KDF1: variants seen among roughly 807,000 people sequenced by gnomAD.
KDF1 encodes the protein keratinocyte differentiation factor 1.
KDF1 carries 11 observed loss-of-function variants against 31.6 expected under a neutral mutation model. The observed-to-expected ratio is 0.35, with a 90% CI of 0.22 to 0.58. KDF1 has a LOEUF of 0.58. KDF1 is among the 20% of genes least tolerant of loss of function. KDF1 has a pLI of 0.83. For synonymous variants in KDF1, 205 were observed against 214.4 expected, an observed-to-expected ratio of 0.96 and a Z score of 0.38; for missense variants, 476 against 549.1, an observed-to-expected ratio of 0.87 and a Z score of 1.33.
intron 1 of KDF1, among the ~76,000 whole-genome samples, chr1:26,958,717 G>A (rs1180615028): frequency 6.6e-6 from 1 of 152,178 alleles, no homozygotes; most frequent in African/African-American, 2.4e-5. Context: ...CTATTACTTG[G>A]GAGAAAAGAG....
chr1:26,951,190 G>C lies in KDF1; in HGVS notation c.1039+152C>G. 1 of 872,544 alleles carries C rather than the reference G, an allele frequency of 1.1e-6. No individual in the cohort carries two copies. The highest frequency in any genetic ancestry group is 1.7e-6 in the Non-Finnish European group (1 of 587,078). 54.1% of individuals were successfully genotyped at this position (872,544 alleles called of 1,614,324 possible). On this transcript the variant is annotated intron_variant, in intron 2 of 3. Transcript: ENST00000320567. The surrounding 1 kb of genome is among the most constrained non-coding windows in gnomAD (Gnocchi z 5.4). ...CCAGGAAGGGCCAGAGTGGGAGCTGGGGAGAGGGGATGCAAGAGTTGACAG... is the reference window on the plus strand; with the variant it reads ...CCAGGAAGGGCCAGAGTGGGAGCTGCGGAGAGGGGATGCAAGAGTTGACAG...
Position 26,951,529 on chromosome 1 carries a change from C to G in KDF1, c.852G>C (p.Gln284His), listed in dbSNP as rs755290067. The G allele has an allele frequency of 1.2e-6, 2 of 1,612,824 alleles. No homozygotes were observed. The highest frequency in any genetic ancestry group is 1.7e-6 in the Non-Finnish European group (2 of 1,178,958). Residue 284 changes from glutamine to histidine, a missense_variant, in exon 2 of 4, where the codon CAG (glutamine) becomes CAC (histidine). Physicochemically the swap from Gln to His is conservative, Grantham distance 24. Coordinates refer to ENST00000320567, the MANE Select transcript of KDF1 (RefSeq NM_152365.3). This position sits in a 1 kb window ranked among gnomAD's most constrained non-coding sequence, Gnocchi z 5.4. ...KISDLISSIT[Q>H]DYHLDEQDAE... The stretch of plus-strand genomic sequence containing the variant: ...CATCCTGCTCATCCAGGTGGTAGTC[C>G]TGCGTGATGCTGCTGATAAGGTCCG...
rs145806681 is a variant in KDF1 at position 26,952,328 on chromosome 1, G to A, written c.53C>T (p.Pro18Leu). 156 of 1,524,392 alleles carry A rather than the reference G, an allele frequency of 1.0e-4. No homozygotes were observed. The African/African-American group carries it at 1.3e-3, about 13-fold the overall frequency. The allele number at this position is 1,524,392 out of a possible 1,614,324, so 94.4% of individuals were successfully genotyped here. A position where few individuals can be genotyped will look rare whatever the true frequency, so the allele number is the denominator to read the frequency against. ...RPASGPPRLG[P>L]WERPTELCLE... is the part of the protein sequence containing the mutation. Reference sequence around the variant, plus strand: ...ACATAGCTCTGTTGGCCGCTCCCACGGTCCCAAGCGTGGAGGCCCAGATGC... The same window carrying A: ...ACATAGCTCTGTTGGCCGCTCCCACAGTCCCAAGCGTGGAGGCCCAGATGC... Residue 18 changes from proline (P) to leucine (L), a missense_variant, in exon 2 of 4, where the codon CCG becomes CTG. By Grantham distance (98) the Pro-to-Leu change is moderately conservative (BLOSUM62 -3). Transcript: ENST00000320567. The surrounding 1 kb of genome is among the most constrained non-coding windows in gnomAD (Gnocchi z 4.1).
chr1:26,952,352 G>GCTGGGCGGGGGTGTC lies in KDF1; in HGVS notation c.14_28dup (p.Gly5_Pro9dup). The GCTGGGCGGGGGTGTC allele has an allele frequency of 6.6e-7, 1 of 1,515,934 alleles. No homozygotes were observed. Among genetic ancestry groups the GCTGGGCGGGGGTGTC allele is most frequent in the Non-Finnish European group, 8.8e-7 (1 of 1,134,430 alleles). The allele number at this position is 1,515,934 out of a possible 1,614,324, so 93.9% of individuals were successfully genotyped here. On this transcript the variant is annotated inframe_insertion, in exon 2 of 4. Coordinates refer to ENST00000320567, the MANE Select transcript of KDF1 (RefSeq NM_152365.3). The surrounding 1 kb of genome is among the most constrained non-coding windows in gnomAD (Gnocchi z 4.1). ...CGGTCCCAAGCGTGGAGGCCCAGATGCTGGGCGGGGGTGTCCAGGGCGGGG... is the reference window on the plus strand; with the variant it reads ...CGGTCCCAAGCGTGGAGGCCCAGATGCTGGGCGGGGGTGTCCTGGGCGGGGGTGTCCAGGGCGGGG...
intron 1 of KDF1, among the ~76,000 whole-genome samples, chr1:26,954,789 C>T (rs922468971): frequency 7.0e-6 from 1 of 143,644 alleles, no homozygotes. Context: ...GCCGAGATGG[C>T]GCCATTGCAC....
chr1:26,955,856 G>T (rs2082375315), intron 1 of KDF1, among the ~76,000 whole-genome samples: 1 of 152,214 alleles, frequency 6.6e-6, no homozygotes, highest in African/African-American at 2.4e-5. Flanking sequence ...GCAGGAGGCT[G>T]AGGCAGGAGA....
Position 26,951,764 on chromosome 1 carries a change from A to G in KDF1, c.617T>C (p.Phe206Ser). ...PPMRHSLPST[F>S]ASSPRGSEEY... is the part of the protein sequence containing the mutation. The stretch of plus-strand genomic sequence containing the variant: ...CTCGGAGCCACGAGGACTACTGGCA[A>G]AGGTGCTGGGCAGGCTGTGTCGCAT... The change falls in exon 2 of 4, where the codon TTT becomes TCT. Residue 206 changes from phenylalanine (F) to serine (S), a missense_variant. Phe to Ser is a radical substitution (Grantham distance 155). This residue lies in a region of KDF1 where 330 missense variants were observed against 332.3 expected (regional missense o/e 0.99). Transcript: ENST00000320567. This position sits in a 1 kb window ranked among gnomAD's most constrained non-coding sequence, Gnocchi z 5.4. 3.1e-6 allele frequency: 5 copies of G among 1,614,094 alleles called. No homozygotes were observed. Among genetic ancestry groups the G allele is most frequent in the Non-Finnish European group, 4.2e-6 (5 of 1,180,018 alleles).
chr1:26,950,409 T>G lies in KDF1; in HGVS notation c.1115-258A>C, dbSNP rs1384356287. Among the ~76,000 whole-genome samples the G allele has an allele frequency of 6.6e-6, 1 of 152,220 alleles. No individual in the cohort carries two copies. The highest frequency in any genetic ancestry group is 1.5e-5 in the Non-Finnish European group (1 of 68,028). On this transcript the variant is annotated intron_variant, in intron 3 of 3. Transcript: ENST00000320567. The surrounding 1 kb of genome is among the most constrained non-coding windows in gnomAD (Gnocchi z 4.0). Reference sequence around the variant, plus strand: ...CGCAACAGAACCACACGGGTGTCTTTCCAGCACCATGCTGGATGGCTCCCC... The same window carrying G: ...CGCAACAGAACCACACGGGTGTCTTGCCAGCACCATGCTGGATGGCTCCCC...
At position 26,949,786 on chromosome 1, in the gene KDF1, TA is replaced by T; in HGVS notation, c.*282del. On this transcript the variant is annotated 3_prime_UTR_variant, in exon 4 of 4. Coordinates refer to ENST00000320567, the MANE Select transcript of KDF1 (RefSeq NM_152365.3). Reference sequence around the variant, plus strand: ...GGAGTCAGGGTTCACTCCCAGAAGGTAATGCCTAACTCCTTACTTTCCATGA... The same window carrying T: ...GGAGTCAGGGTTCACTCCCAGAAGGTATGCCTAACTCCTTACTTTCCATGA... 1 of 373,980 alleles carries T rather than the reference TA, an allele frequency of 2.7e-6. No individual in the cohort carries two copies. Among genetic ancestry groups the T allele is most frequent in the Non-Finnish European group, 5.0e-6 (1 of 198,828 alleles). 23.2% of individuals were successfully genotyped at this position (373,980 alleles called of 1,614,324 possible). A position where few individuals can be genotyped will look rare whatever the true frequency, so the allele number is the denominator to read the frequency against.
chr1:26,958,342 G>A (rs953225456), intron 1 of KDF1, among the ~76,000 whole-genome samples: 2 of 151,604 alleles, frequency 1.3e-5, no homozygotes, highest in South Asian at 2.1e-4. Context: ...CACCATGTTA[G>A]TCAGGATGGT....
Position 26,952,375 on chromosome 1 carries a change from G to T in KDF1, c.6C>A (p.Pro2=). The change falls in exon 2 of 4, where the codon CCC becomes CCA. Residue 2 remains proline, a synonymous_variant. Coordinates refer to ENST00000320567, the MANE Select transcript of KDF1 (RefSeq NM_152365.3). This position sits in a 1 kb window ranked among gnomAD's most constrained non-coding sequence, Gnocchi z 4.1. M[P]RPGHPRPASG... ...ATGCTGGGCGGGGGTGTCCAGGGCG[G>T]GGCATGGCTCATTGCATGGTTTGTA... 1 of 1,504,372 alleles carries T rather than the reference G, an allele frequency of 6.6e-7. No individual in the cohort carries two copies. Among genetic ancestry groups the T allele is most frequent in the East Asian group, 2.3e-5 (1 of 43,908 alleles). The allele number at this position is 1,504,372 out of a possible 1,614,324, so 93.2% of individuals were successfully genotyped here. A position where few individuals can be genotyped will look rare whatever the true frequency, so the allele number is the denominator to read the frequency against.
intron 1 of KDF1, among the ~76,000 whole-genome samples, chr1:26,958,859 C>T (rs1390972464): frequency 6.6e-6 from 1 of 152,156 alleles, no homozygotes; most frequent in Non-Finnish European, 1.5e-5. Flanking sequence ...CTCGGAAGTA[C>T]GTGGGGCTCC....
chr1:26,951,248 G>T lies in KDF1; in HGVS notation c.1039+94C>A. On this transcript the variant is annotated intron_variant, in intron 2 of 3. Coordinates refer to ENST00000320567, the MANE Select transcript of KDF1 (RefSeq NM_152365.3). This position sits in a 1 kb window ranked among gnomAD's most constrained non-coding sequence, Gnocchi z 5.4. ...GAGGAAAGGCAGGGACTGGCTGAGG[G>T]GTAGACCCACAGTGACTAAAGACCC... 7.9e-7 allele frequency: 1 copy of T among 1,260,224 alleles called. No individual in the cohort carries two copies. Among genetic ancestry groups the T allele is most frequent in the African/African-American group, 1.5e-5 (1 of 66,176 alleles). 78.1% of individuals were successfully genotyped at this position (1,260,224 alleles called of 1,614,324 possible).
Position 26,960,160 on chromosome 1 carries a change from C to A in KDF1, c.-33+190G>T, listed in dbSNP as rs889665508. On this transcript the variant is annotated intron_variant, in intron 1 of 3. Transcript: ENST00000320567. The surrounding 1 kb of genome is among the most constrained non-coding windows in gnomAD (Gnocchi z 4.9). ...CCTAAGGGCGAACGCGGCCCCTCAC[C>A]CCATTCTGCGCGCCCAGCCCGGGCG... Among the ~76,000 whole-genome samples, 12 of 152,272 alleles carry A rather than the reference C, an allele frequency of 7.9e-5. No homozygotes were observed. Among genetic ancestry groups the A allele is most frequent in the African/African-American group, 2.6e-4 (11 of 41,568 alleles).
At position 26,960,183 on chromosome 1, in the gene KDF1, G is replaced by C. The variant is rs999554422; in HGVS notation, c.-33+167C>G. On this transcript the variant is annotated intron_variant, in intron 1 of 3. Transcript: ENST00000320567. This position sits in a 1 kb window ranked among gnomAD's most constrained non-coding sequence, Gnocchi z 4.9. ...ACCCCATTCTGCGCGCCCAGCCCGG[G>C]CGCCCGCTCAGGCCGCTCCCCAGCC... 2.0e-5 allele frequency among the ~76,000 whole-genome samples: 3 copies of C among 152,134 alleles called. No homozygotes were observed. The highest frequency in any genetic ancestry group is 7.2e-5 in the African/African-American group (3 of 41,452).
chr1:26,950,733 C>T lies in KDF1; in HGVS notation c.1063G>A (p.Glu355Lys). ...CGGGCGATGGCATCTGCAGTCGTCT[C>T]CTGGGAGATCTGCACTGTCAGCTCT... Reference protein sequence around the residue: ...QDELTVQISQETTADAIARKL... With the variant: ...QDELTVQISQKTTADAIARKL... Residue 355 changes from glutamate to lysine, a missense_variant, in exon 3 of 4, where the codon GAG becomes AAG. By Grantham distance (56) the Glu-to-Lys change is moderately conservative (BLOSUM62 1). Coordinates refer to ENST00000320567, the MANE Select transcript of KDF1 (RefSeq NM_152365.3). This position sits in a 1 kb window ranked among gnomAD's most constrained non-coding sequence, Gnocchi z 4.0. 6.2e-6 allele frequency: 10 copies of T among 1,614,150 alleles called. No homozygotes were observed. The highest frequency in any genetic ancestry group is 7.6e-6 in the Non-Finnish European group (9 of 1,180,008).
intron 1 of KDF1, among the ~76,000 whole-genome samples, chr1:26,954,920 G>A (rs1049156553): frequency 1.3e-5 from 2 of 148,802 alleles, no homozygotes; most frequent in Non-Finnish European, 3.0e-5. Flanking sequence ...GTGCAATGGC[G>A]CATTCTCGGC....
Position 26,950,883 on chromosome 1 carries a change from TAAAGAC to T in KDF1, c.1040-133_1040-128del. The T allele has an allele frequency of 1.3e-6, 1 of 799,254 alleles. No homozygotes were observed. The allele number at this position is 799,254 out of a possible 1,614,324, so 49.5% of individuals were successfully genotyped here. Reference sequence around the variant, plus strand: ...TGGGCAGGGCTAGAAAAATAATGCTTAAAGACAGAGACATAGACAACGTGTGCATGC... The same window carrying T: ...TGGGCAGGGCTAGAAAAATAATGCTTAGAGACATAGACAACGTGTGCATGC... On this transcript the variant is annotated intron_variant, in intron 2 of 3. Coordinates refer to ENST00000320567, the MANE Select transcript of KDF1 (RefSeq NM_152365.3). The surrounding 1 kb of genome is among the most constrained non-coding windows in gnomAD (Gnocchi z 4.0).
chr1:26,949,869 A>G lies in KDF1; in HGVS notation c.*200T>C. On this transcript the variant is annotated 3_prime_UTR_variant, in exon 4 of 4. Coordinates refer to ENST00000320567, the MANE Select transcript of KDF1 (RefSeq NM_152365.3). ...AAGGGGCCCTGGCAGGGATCAGACC[A>G]GCTGGGGATGCAAGGAGATGTAGAT... 1 of 541,696 alleles carries G rather than the reference A, an allele frequency of 1.8e-6. No homozygotes were observed. Among genetic ancestry groups the G allele is most frequent in the Non-Finnish European group, 3.3e-6 (1 of 300,090 alleles). 33.6% of individuals were successfully genotyped at this position (541,696 alleles called of 1,614,324 possible). A position where few individuals can be genotyped will look rare whatever the true frequency, so the allele number is the denominator to read the frequency against.
Sources: allele counts gnomAD v4.1 joint callset (sites outside exome capture counted in the v4.1 genomes callset), GRCh38; gene constraint gnomAD v4.1.1; regional missense constraint gnomAD v4.1.1; non-coding constraint Gnocchi (gnomAD v3.1); transcripts MANE v1.5; gene names NCBI Gene and HGNC (gene_info 2026-07-23, HGNC 2026-07-21).